TMTC1: variants seen among roughly 807,000 people sequenced by gnomAD.
TMTC1 encodes protein O-mannosyl-transferase TMTC1.
Under a neutral mutation model 104.8 loss-of-function variants are expected in TMTC1, and 73 were observed. The ratio of observed to expected loss-of-function variants is 0.70; its 90% CI spans 0.58 to 0.85. TMTC1 has a LOEUF of 0.85. Ranked by LOEUF, TMTC1 falls within the 40% of genes least tolerant of loss-of-function variation. TMTC1 has a pLI of 0.00. For missense variants in TMTC1, 1,035 were observed against 1,096.1 expected (o/e 0.94, Z 0.79); for synonymous variants, 434 against 428.7 (o/e 1.01, Z -0.15).
intron 2 of TMTC1, among the ~76,000 whole-genome samples, chr12:29,765,444 A>C (rs61409863): frequency 0.1 from 15,459 of 152,012 alleles, 819 homozygotes; most frequent in African/African-American, 0.14. Context: ...TCATACTTTC[A>C]TTGTATTTCC....
At chr12:29,615,435 T>C (rs1054780159) in intron 6 of TMTC1, among the ~76,000 whole-genome samples, 9 of 152,216 alleles carry the variant, frequency 5.9e-5, no homozygotes, top group Admixed American at 1.3e-4. Flanking sequence ...GTTAAGCAGG[T>C]GAAGATACAA....
At chr12:29,712,883 A>G (rs532436664) in intron 5 of TMTC1, among the ~76,000 whole-genome samples, 1 of 152,270 alleles carries the variant, frequency 6.6e-6, no homozygotes, top group South Asian at 2.1e-4. Context: ...TGAATCTTTT[A>G]TCCATTGCGA....
intron 5 of TMTC1, among the ~76,000 whole-genome samples, chr12:29,661,568 CTTTTT>C (rs1940028749): frequency 1.3e-5 from 2 of 150,386 alleles, no homozygotes; most frequent in Admixed American, 1.3e-4. Flanking sequence ...ACTACAGGTA[CTTTTT>C]GTATTTTTAG....
rs767146995 is a variant in TMTC1 at position 29,556,971 on chromosome 12, T to C, written c.1562A>G (p.Asn521Ser). ...GTCTCTCGTCAGTGTTCCAAGGTTG[T>C]TGAGCGCACTTGCATGGCGTGGATA... is the stretch of plus-strand genomic sequence containing the variant. The part of the protein sequence containing the change: ...KLYPRHASAL[N>S]NLGTLTRDTA... The change falls in exon 10 of 18, where the codon AAC (asparagine) becomes AGC (serine). Residue 521 changes from asparagine to serine, a missense_variant. Transcript: ENST00000539277. 4.3e-6 allele frequency: 7 copies of C among 1,614,184 alleles called. No individual in the cohort carries two copies. The highest frequency in any genetic ancestry group is 5.9e-6 in the Non-Finnish European group (7 of 1,180,026).
intron 5 of TMTC1, among the ~76,000 whole-genome samples, chr12:29,676,260 G>C (rs140389528): frequency 0.012 from 1,801 of 152,242 alleles, 14 homozygotes; most frequent in Non-Finnish European, 0.017. Flanking sequence ...TTAAAAGTTT[G>C]TGAGTTTTCC....
intron 5 of TMTC1, among the ~76,000 whole-genome samples, chr12:29,698,524 A>C (rs547354460): frequency 6.6e-6 from 1 of 152,302 alleles, no homozygotes; most frequent in East Asian, 1.9e-4. Flanking sequence ...TCTACTCTGG[A>C]GATGTTGACA....
At chr12:29,542,476 C>T (rs140063048) in intron 10 of TMTC1, among the ~76,000 whole-genome samples, 25 of 152,302 alleles carry the variant, frequency 1.6e-4, no homozygotes, top group Admixed American at 1.5e-3. Context: ...AATAATCCTC[C>T]GTGATCTAAA....
chr12:29,552,265 A>G (rs922469869), intron 10 of TMTC1, among the ~76,000 whole-genome samples: 8 of 152,096 alleles, frequency 5.3e-5, no homozygotes, highest in African/African-American at 1.7e-4. Context: ...CATTCCAAAT[A>G]TTTCATTTAA....
In TMTC1 at chr12:29,755,708, C is replaced by T. The variant is rs755795205; in HGVS notation, c.731+1G>A. On this transcript the variant is annotated splice_donor_variant, in intron 4 of 17. Transcript: ENST00000539277. LOFTEE classifies it high-confidence loss of function. ...GATATCAAAACTGTAAAATGACTTA[C>T]GACTTGTCTTGCTTGTTGGAAAGGG... The T allele has an allele frequency of 5.0e-6, 8 of 1,611,898 alleles. No homozygotes were observed. The highest frequency in any genetic ancestry group is 3.3e-5 in the South Asian group (3 of 90,666).
chr12:29,652,184 T>G (rs1172246360), intron 5 of TMTC1, among the ~76,000 whole-genome samples: 1 of 152,120 alleles, frequency 6.6e-6, no homozygotes, highest in Non-Finnish European at 1.5e-5. Flanking sequence ...GATGTAGAGT[T>G]TAGCAGGAAA....
chr12:29,542,229 A>C (rs1181311582), intron 10 of TMTC1, among the ~76,000 whole-genome samples: 1 of 152,150 alleles, frequency 6.6e-6, no homozygotes, highest in Non-Finnish European at 1.5e-5. Context: ...TTTTGGAGTC[A>C]CAGAAAACTC....
At chr12:29,667,541 A>G (rs1379220447) in intron 5 of TMTC1, among the ~76,000 whole-genome samples, 1 of 152,256 alleles carries the variant, frequency 6.6e-6, no homozygotes, top group Non-Finnish European at 1.5e-5. Context: ...AATTAAAGTT[A>G]GAGGTGAAAG....
chr12:29,575,001 G>A (rs893454775), intron 8 of TMTC1, among the ~76,000 whole-genome samples: 1 of 152,138 alleles, frequency 6.6e-6, no homozygotes, highest in African/African-American at 2.4e-5. Context: ...CCATCTGCCT[G>A]GGGTGATACC....
intron 11 of TMTC1, among the ~76,000 whole-genome samples, chr12:29,521,925 A>G (rs953136613): frequency 2.0e-5 from 3 of 152,150 alleles, no homozygotes; most frequent in African/African-American, 7.2e-5. Flanking sequence ...TACTTTTACT[A>G]TACAGAAGGT....
intron 17 of TMTC1, among the ~76,000 whole-genome samples, chr12:29,508,654 A>C (rs1418653319): frequency 6.6e-6 from 1 of 151,922 alleles, no homozygotes; most frequent in Non-Finnish European, 1.5e-5. Context: ...GTTCACTGTA[A>C]CCTCTGCCTC....
chr12:29,514,783 T>C (rs147594504), intron 15 of TMTC1, among the ~76,000 whole-genome samples, 179 bp from the exon 16 acceptor site: 2,793 of 152,108 alleles, frequency 0.018, 50 homozygotes, highest in African/African-American at 0.043. Context: ...CTTTGGGAGG[T>C]TGAAGTGGGC....
At chr12:29,698,149 A>G (rs1941479251) in intron 5 of TMTC1, among the ~76,000 whole-genome samples, 2 of 152,210 alleles carry the variant, frequency 1.3e-5, no homozygotes, top group South Asian at 4.1e-4. Context: ...GTTTTCATTC[A>G]CTAAACTCAT....
At chr12:29,765,433 C>T (rs1943441498) in intron 2 of TMTC1, among the ~76,000 whole-genome samples, 1 of 152,058 alleles carries the variant, frequency 6.6e-6, no homozygotes, top group Admixed American at 6.6e-5. Context: ...TCTCCTTGAA[C>T]TCATACTTTC....
chr12:29,575,223 A>G (rs1370129208), intron 8 of TMTC1, among the ~76,000 whole-genome samples: 1 of 152,100 alleles, frequency 6.6e-6, no homozygotes, highest in East Asian at 1.9e-4. Context: ...ATGGATTTGA[A>G]GGCTATTTGG....
Sources: allele counts gnomAD v4.1 joint callset (sites outside exome capture counted in the v4.1 genomes callset), GRCh38; gene constraint gnomAD v4.1.1; transcripts MANE v1.5; gene names NCBI Gene and HGNC (gene_info 2026-07-23, HGNC 2026-07-21).